ZNG1B: variants seen among roughly 807,000 people sequenced by gnomAD.
ZNG1B encodes Zn regulated GTPase metalloprotein activator 1B.
chr2:113,478,936 CAAG>C, the ZNG1B span, among the ~76,000 whole-genome samples: 1 of 151,450 alleles, frequency 6.6e-6, no homozygotes, highest in Non-Finnish European at 1.5e-5. Context: ...TACAGTTATT[CAAG>C]AAGTTGTCTT....
chr2:113,450,446 C>T, the ZNG1B span, among the ~76,000 whole-genome samples: 1 of 150,368 alleles, frequency 6.7e-6, no homozygotes, highest in African/African-American at 2.5e-5. Context: ...TTGGTTAAGT[C>T]ATTGTGTTAT....
At chr2:113,460,583 A>C in the ZNG1B span, 2 of 1,423,510 alleles carry the variant, frequency 1.4e-6, no homozygotes, top group Non-Finnish European at 1.9e-6. Context: ...TATTAGATGC[A>C]AGAAAATGTC....
At chr2:113,478,141 G>A in the ZNG1B span, among the ~76,000 whole-genome samples, 2 of 152,310 alleles carry the variant, frequency 1.3e-5, no homozygotes, top group Admixed American at 6.5e-5. Context: ...TCTCGTATAT[G>A]TCCATAGAAG....
At chr2:113,461,333 C>T in the ZNG1B span, among the ~76,000 whole-genome samples, 161 of 151,960 alleles carry the variant, frequency 1.1e-3, no homozygotes, top group Middle Eastern at 6.8e-3. Flanking sequence ...CCACCCGCCT[C>T]GGCCTCCCAA....
At chr2:113,460,607 C>T in the ZNG1B span, 3 of 1,454,740 alleles carry the variant, frequency 2.1e-6, no homozygotes, top group East Asian at 2.3e-5. Context: ...AAAGTAAAAT[C>T]CTTTGTGTTG....
the ZNG1B span, chr2:113,471,125 T>C: frequency 7.7e-7 from 1 of 1,290,476 alleles, no homozygotes; most frequent in Non-Finnish European, 1.1e-6. Context: ...TTTATTGTTA[T>C]GTACCTTTTT....
the ZNG1B span, among the ~76,000 whole-genome samples, chr2:113,480,000 G>C: frequency 1.3e-5 from 2 of 150,210 alleles, no homozygotes; most frequent in African/African-American, 4.9e-5. Context: ...TTTTTATTTT[G>C]GTAGAAGATG....
chr2:113,442,554 G>A, the ZNG1B span, among the ~76,000 whole-genome samples: 1 of 151,728 alleles, frequency 6.6e-6, no homozygotes, highest in Non-Finnish European at 1.5e-5. Context: ...ATAACAGACT[G>A]TTTTTTTATC....
the ZNG1B span, among the ~76,000 whole-genome samples, chr2:113,438,211 C>G: frequency 6.6e-6 from 1 of 152,150 alleles, no homozygotes; most frequent in African/African-American, 2.4e-5. Flanking sequence ...TGCCCGGCCC[C>G]CTCTGCGTTA....
At chr2:113,471,111 T>A in the ZNG1B span, 7 of 1,473,874 alleles carry the variant, frequency 4.7e-6, no homozygotes, top group Non-Finnish European at 6.5e-6. Flanking sequence ...ATAATTTGGT[T>A]ACTTTTATTG....
chr2:113,495,926 A>C, the ZNG1B span: 8 of 681,170 alleles, frequency 1.2e-5, 1 homozygote, highest in South Asian at 1.8e-4. Flanking sequence ...TCATACAGTT[A>C]TATATAATAT....
the ZNG1B span, among the ~76,000 whole-genome samples, chr2:113,450,732 G>A: frequency 2.1e-3 from 316 of 147,264 alleles, 1 homozygote; most frequent in African/African-American, 7.6e-3. Context: ...TAATACATAT[G>A]CATACATGTT....
chr2:113,477,408 G>A, the ZNG1B span, among the ~76,000 whole-genome samples: 47 of 152,118 alleles, frequency 3.1e-4, 1 homozygote, highest in East Asian at 7.9e-3. Flanking sequence ...ACTGACCTGC[G>A]CCCACTGTCT....
the ZNG1B span, among the ~76,000 whole-genome samples, chr2:113,438,400 C>G: frequency 2.0e-5 from 3 of 152,094 alleles, no homozygotes; most frequent in African/African-American, 7.2e-5. Flanking sequence ...GCCGGAACCA[C>G]CTACCTGTTG....
At chr2:113,440,726 A>G in the ZNG1B span, among the ~76,000 whole-genome samples, 1 of 144,390 alleles carries the variant, frequency 6.9e-6, no homozygotes, top group East Asian at 2.0e-4. Flanking sequence ...ATGTCCAACA[A>G]AAAAAAAAGA....
the ZNG1B span, chr2:113,462,933 C>G: frequency 0.19 from 31,035 of 160,720 alleles, 3,694 homozygotes; most frequent in East Asian, 0.44. Context: ...TTATTCTATA[C>G]AGCCTATTCT....
chr2:113,453,320 T>A, the ZNG1B span: 1 of 1,428,316 alleles, frequency 7.0e-7, no homozygotes, highest in Non-Finnish European at 9.6e-7. Flanking sequence ...TGGCATGATC[T>A]CGGCTCACTG....
At chr2:113,444,771 A>G in the ZNG1B span, among the ~76,000 whole-genome samples, 3 of 152,114 alleles carry the variant, frequency 2.0e-5, no homozygotes, top group Non-Finnish European at 2.9e-5. Context: ...TACCTATTAT[A>G]TATATGCATC....
chr2:113,477,174 C>T, the ZNG1B span, among the ~76,000 whole-genome samples: 524 of 152,274 alleles, frequency 3.4e-3, 6 homozygotes, highest in African/African-American at 0.011. Flanking sequence ...AGCGAGACTC[C>T]GTGGGCGTGG....
Sources: gnomAD v4.1 joint callset for allele counts (sites outside exome capture counted in the v4.1 genomes callset) on GRCh38, gnomAD v4.1.1 for gene constraint, MANE v1.5 for transcripts, NCBI Gene and HGNC (gene_info 2026-07-23, HGNC 2026-07-21) for gene names.